SERTAD2: variants seen among roughly 807,000 people sequenced by gnomAD.
The protein encoded by SERTAD2 is SERTA domain containing 2, also known as SERTA domain-containing protein 2.
A neutral mutation model predicts 15.4 loss-of-function variants in SERTAD2; 2 were observed. The observed-to-expected ratio is 0.13, with a 90% CI of 0.05 to 0.41. SERTAD2 has a LOEUF of 0.41. Ranked by LOEUF, SERTAD2 falls within the 10% of genes least tolerant of loss-of-function variation. The probability of loss-of-function intolerance (pLI) is 0.99; values close to 1 mark genes in which losing one functional copy is unlikely to be tolerated. For missense variants in SERTAD2, 333 were observed against 409.7 expected, an observed-to-expected ratio of 0.81 and a Z score of 1.62; for synonymous variants, 180 against 178.0, an observed-to-expected ratio of 1.01 and a Z score of -0.09.
rs1674564274 is a variant in SERTAD2, at chr2:64,632,765, TC to T, written c.*3161del. The T allele has an allele frequency of 1.3e-5, 2 of 152,694 alleles. No individual in the cohort carries two copies. Among genetic ancestry groups the T allele is most frequent in the African/African-American group, 4.8e-5 (2 of 41,540 alleles). The allele number at this position is 152,694 out of a possible 1,614,324, so 9.5% of individuals were successfully genotyped here. On this transcript the variant is annotated 3_prime_UTR_variant, in exon 2 of 2. Transcript: ENST00000313349. ...ACCCCCTTTTAATACAGATTTACAT[TC>T]CTACAAGAGAATACATTCCTACCAT...
At chr2:64,640,091 CCAGT>C (rs1473705802) in intron 1 of SERTAD2, among the ~76,000 whole-genome samples, 7 of 152,148 alleles carry the variant, frequency 4.6e-5, no homozygotes, top group Non-Finnish European at 1.0e-4. Flanking sequence ...CTCCACACAC[CCAGT>C]AAGATTGTAA....
Position 64,633,393 on chromosome 2 carries a change from T to C in SERTAD2, c.*2534A>G, listed in dbSNP as rs1674579381. On this transcript the variant is annotated 3_prime_UTR_variant, in exon 2 of 2. Coordinates refer to ENST00000313349, the MANE Select transcript of SERTAD2 (RefSeq NM_014755.3). ...CACTTCTCCGTGCTTATTTGAACTG[T>C]TGCCCAACATATGGGATTTGTTTAA... 6.6e-6 allele frequency: 1 copy of C among 152,232 alleles called. No individual in the cohort carries two copies. Among genetic ancestry groups the C allele is most frequent in the Non-Finnish European group, 1.5e-5 (1 of 68,028 alleles). The allele number at this position is 152,232 out of a possible 1,614,324, so 9.4% of individuals were successfully genotyped here. A position where few individuals can be genotyped will look rare whatever the true frequency, so the allele number is the denominator to read the frequency against.
chr2:64,640,664 A>C (rs1249832344), intron 1 of SERTAD2, among the ~76,000 whole-genome samples: 2 of 151,928 alleles, frequency 1.3e-5, no homozygotes, highest in Non-Finnish European at 2.9e-5. Context: ...CCTGGAGTTC[A>C]CGAAAGGGGG....
chr2:64,650,969 G>A (rs562337438), intron 1 of SERTAD2, among the ~76,000 whole-genome samples: 4 of 152,174 alleles, frequency 2.6e-5, no homozygotes, highest in Admixed American at 6.5e-5. Flanking sequence ...TCTCTCTCAC[G>A]CACCAAGTAA....
intron 1 of SERTAD2, among the ~76,000 whole-genome samples, chr2:64,638,675 C>T (rs1422670222): frequency 2.1e-5 from 3 of 143,530 alleles, no homozygotes; most frequent in Non-Finnish European, 3.0e-5. Flanking sequence ...AACATTTCCC[C>T]TCATTTTGTT....
chr2:64,643,464 G>C (rs1674821014), intron 1 of SERTAD2, among the ~76,000 whole-genome samples: 1 of 152,190 alleles, frequency 6.6e-6, no homozygotes, highest in Non-Finnish European at 1.5e-5. Context: ...CTGCACACGC[G>C]GGATCCTGCA....
intron 1 of SERTAD2, among the ~76,000 whole-genome samples, chr2:64,642,046 C>T (rs1674788168): frequency 6.6e-6 from 1 of 152,230 alleles, no homozygotes. Flanking sequence ...CAGGCCATTT[C>T]AAGTTTAGGC....
chr2:64,636,600 T>G lies in SERTAD2; in HGVS notation c.272A>C (p.Gln91Pro). The G allele has an allele frequency of 6.2e-7, 1 of 1,607,474 alleles. No homozygotes were observed. Among genetic ancestry groups the G allele is most frequent in the South Asian group, 1.1e-5 (1 of 90,520 alleles). Residue 91 changes from glutamine to proline, a missense_variant, in exon 2 of 2, where the codon CAG (glutamine) becomes CCG (proline). This residue lies in a region of SERTAD2 where 332 missense variants were observed against 392.9 expected (regional missense o/e 0.84). Transcript: ENST00000313349. ...GCTGTCGCTGGGCTCGGTGGTGGGC[T>G]GGGAGGAGGGGGTGAACATGGGCCT... The part of the protein sequence containing the change: ...SLRPMFTPSS[Q>P]PTTEPSDSYR...
intron 1 of SERTAD2, among the ~76,000 whole-genome samples, chr2:64,638,066 C>T (rs1558652339): frequency 1.3e-5 from 2 of 152,304 alleles, no homozygotes; most frequent in South Asian, 2.1e-4. Flanking sequence ...GATCGTGGTT[C>T]GAATGAAGCC....
intron 1 of SERTAD2, among the ~76,000 whole-genome samples, chr2:64,643,664 C>T (rs896677037): frequency 2.6e-5 from 4 of 152,138 alleles, no homozygotes; most frequent in African/African-American, 9.7e-5. Flanking sequence ...GTCAGGAGAT[C>T]GAGACCACCC....
intron 1 of SERTAD2, among the ~76,000 whole-genome samples, chr2:64,649,487 T>C (rs924163800): frequency 1.3e-5 from 2 of 152,264 alleles, no homozygotes; most frequent in Non-Finnish European, 2.9e-5. Context: ...ACATAGATCA[T>C]GTCTGTAAGA....
Position 64,632,621 on chromosome 2 carries a change from T to G in SERTAD2, c.*3306A>C, listed in dbSNP as rs138658201. On this transcript the variant is annotated 3_prime_UTR_variant, in exon 2 of 2. Coordinates refer to ENST00000313349, the MANE Select transcript of SERTAD2 (RefSeq NM_014755.3). ...ACCCTTTGATGCTTTTCTTAAAAAT[T>G]TGGAGGTATTAAAACATTCCTCATA... The G allele has an allele frequency of 3.9e-5, 6 of 152,572 alleles. No homozygotes were observed. Among genetic ancestry groups the G allele is most frequent in the African/African-American group, 1.4e-4 (6 of 41,408 alleles). The allele number at this position is 152,572 out of a possible 1,614,324, so 9.5% of individuals were successfully genotyped here.
chr2:64,640,398 AG>A (rs1348612405), intron 1 of SERTAD2, among the ~76,000 whole-genome samples: 1 of 152,228 alleles, frequency 6.6e-6, no homozygotes, highest in African/African-American at 2.4e-5. Flanking sequence ...CAGGCGCATC[AG>A]CCCCTCCAGG....
intron 1 of SERTAD2, among the ~76,000 whole-genome samples, chr2:64,652,846 G>A (rs62137281): frequency 6.6e-6 from 1 of 151,840 alleles, no homozygotes; most frequent in African/African-American, 2.4e-5. Flanking sequence ...TCTGCTAAAG[G>A]TAACTTATAG....
intron 1 of SERTAD2, among the ~76,000 whole-genome samples, chr2:64,653,153 C>T (rs1236437188): frequency 6.6e-6 from 1 of 152,170 alleles, no homozygotes; most frequent in Admixed American, 6.5e-5. Flanking sequence ...GGGAAATTCA[C>T]AAAAACGCAC....
intron 1 of SERTAD2, among the ~76,000 whole-genome samples, chr2:64,640,896 A>T (rs1674763259): frequency 6.6e-6 from 1 of 152,140 alleles, no homozygotes; most frequent in South Asian, 2.1e-4. Context: ...GGGGCCTAAA[A>T]CTAACCCCAG....
chr2:64,641,328 T>A (rs1438042787), intron 1 of SERTAD2, among the ~76,000 whole-genome samples: 1 of 152,192 alleles, frequency 6.6e-6, no homozygotes, highest in East Asian at 1.9e-4. Flanking sequence ...TTCCAGAATC[T>A]GAGTGACTCC....
At chr2:64,647,318 C>A (rs1674922603) in intron 1 of SERTAD2, among the ~76,000 whole-genome samples, 1 of 152,102 alleles carries the variant, frequency 6.6e-6, no homozygotes, top group African/African-American at 2.4e-5. Flanking sequence ...GATACTACTT[C>A]ATAATAATTT....
intron 1 of SERTAD2, among the ~76,000 whole-genome samples, chr2:64,649,273 C>T (rs972808399): frequency 6.6e-6 from 1 of 152,230 alleles, no homozygotes; most frequent in Non-Finnish European, 1.5e-5. Context: ...CCAGGAGCTG[C>T]AGTGCATGGC....
Sources: allele counts gnomAD v4.1 joint callset (sites outside exome capture counted in the v4.1 genomes callset), GRCh38; gene constraint gnomAD v4.1.1; regional missense constraint gnomAD v4.1.1; transcripts MANE v1.5; gene names NCBI Gene and HGNC (gene_info 2026-07-23, HGNC 2026-07-21).